The following MTMR3 variants were observed in gnomAD, a reference collection of about 807,000 sequenced individuals.
The protein encoded by MTMR3 is phosphatidylinositol-3,5-bisphosphate 3-phosphatase MTMR3.
Under a neutral mutation model 132.4 loss-of-function variants are expected in MTMR3, and 32 were observed. The ratio of observed to expected loss-of-function variants is 0.24; its 90% confidence interval spans 0.18 to 0.32. MTMR3 has a LOEUF of 0.32. Among genes scored for constraint, MTMR3 ranks in the 10% least tolerant of loss-of-function variants. The probability of loss-of-function intolerance (pLI) is 1.00; values close to 1 mark genes in which losing one functional copy is unlikely to be tolerated. For synonymous variants in MTMR3, 556 were observed against 550.3 expected (o/e 1.01, Z -0.14); for missense variants, 1,216 against 1,489.6 (o/e 0.82, Z 3.02).
At chr22:29,902,462 C>T (rs13055091) in intron 1 of MTMR3, among the ~76,000 whole-genome samples, 13 of 143,618 alleles carry the variant, frequency 9.1e-5, no homozygotes, top group Non-Finnish European at 1.5e-4. Context: ...GGCTGGAGTG[C>T]AGTGGCGCGA....
At chr22:29,894,087 C>T (rs545361257) in intron 1 of MTMR3, among the ~76,000 whole-genome samples, 7 of 152,220 alleles carry the variant, frequency 4.6e-5, no homozygotes, top group African/African-American at 1.2e-4. Context: ...GCAGGTGACC[C>T]GCCCATCTTG....
chr22:29,978,860 A>C (rs2066682740), intron 4 of MTMR3, 76 bp from the exon 5 acceptor site: 2 of 1,073,086 alleles, frequency 1.9e-6, no homozygotes, highest in Non-Finnish European at 2.8e-6. Context: ...TTTACCATCC[A>C]TTCAGCCAAC....
intron 1 of MTMR3, among the ~76,000 whole-genome samples, chr22:29,926,936 C>T (rs1047123083): frequency 3.3e-5 from 5 of 152,066 alleles, no homozygotes; most frequent in African/African-American, 9.7e-5. Context: ...AGATTTACTC[C>T]TGTGTTTTCA....
intron 2 of MTMR3, among the ~76,000 whole-genome samples, chr22:29,969,933 C>T (rs1039960291): frequency 4.6e-5 from 7 of 152,196 alleles, no homozygotes; most frequent in African/African-American, 1.7e-4. Flanking sequence ...TGTTCCCTTG[C>T]TTACATTGCC....
Position 29,911,548 on chromosome 22 carries a change from A to T in MTMR3, c.-138+28189A>T, listed in dbSNP as rs972795867. ...ACAGAGTGAGACTGTGTCTCAAAAA[A>T]TTTTTTTTTAATTTTGTGTAAAATA... On this transcript the variant is annotated intron_variant, in intron 1 of 19. Transcript: ENST00000401950. Among the ~76,000 whole-genome samples, 28 of 149,092 alleles carry T rather than the reference A, an allele frequency of 1.9e-4. 1 individual carries two copies. Among genetic ancestry groups the T allele is most frequent in the South Asian group, 6.4e-4 (3 of 4,652 alleles).
chr22:29,998,642 CAA>C, intron 7 of MTMR3, 117 bp from the exon 8 acceptor site: 2 of 508,684 alleles, frequency 3.9e-6, no homozygotes, highest in Non-Finnish European at 6.4e-6. Flanking sequence ...AATCCTGTCT[CAA>C]AAAATATATA....
intron 1 of MTMR3, among the ~76,000 whole-genome samples, chr22:29,920,320 C>T (rs1230531990): frequency 6.6e-6 from 1 of 151,880 alleles, no homozygotes; most frequent in Non-Finnish European, 1.5e-5. Flanking sequence ...AATTATTAGA[C>T]CACTGTATAT....
At chr22:30,011,389 GTCTC>G (rs1040655914) in intron 12 of MTMR3, 1 of 152,064 alleles carries the variant, frequency 6.6e-6, no homozygotes, top group African/African-American at 2.4e-5. Context: ...GTGAGATGGA[GTCTC>G]TCTCTCTCAT....
In MTMR3 at chr22:29,965,044, G is replaced by A. The variant is rs554352474; in HGVS notation, c.-84-5932G>A. Among the ~76,000 whole-genome samples the A allele has an allele frequency of 7.2e-5, 11 of 152,060 alleles. 1 individual carries two copies. Among genetic ancestry groups the A allele is most frequent in the Non-Finnish European group, 1.6e-4 (11 of 68,008 alleles). Reference sequence around the variant, plus strand: ...GAAACTGGCCTTGCCCCACCAAGTAGTCTTTTCTGATCACTTTATCTAAAG... The same window carrying A: ...GAAACTGGCCTTGCCCCACCAAGTAATCTTTTCTGATCACTTTATCTAAAG... On this transcript the variant is annotated intron_variant, in intron 2 of 19. Transcript: ENST00000401950.
chr22:30,007,421 A>T (rs1751181153), intron 10 of MTMR3, 102 bp downstream of exon 10: 1 of 1,171,590 alleles, frequency 8.5e-7, no homozygotes, highest in Non-Finnish European at 1.2e-6. Context: ...CTTTTATAGA[A>T]GTGAATGTGC....
chr22:29,999,445 T>G (rs998406778), intron 8 of MTMR3: 1 of 152,190 alleles, frequency 6.6e-6, no homozygotes, highest in African/African-American at 2.4e-5. Context: ...CATATACACA[T>G]TATACAGCTG....
chr22:29,904,083 A>T (rs2065050864), intron 1 of MTMR3, among the ~76,000 whole-genome samples: 1 of 152,210 alleles, frequency 6.6e-6, no homozygotes, highest in South Asian at 2.1e-4. Flanking sequence ...GACAAGACTT[A>T]TAGCTCTTTA....
At chr22:30,021,954 C>G (rs545906128) in intron 17 of MTMR3, 75 bp from the exon 18 acceptor site, 4 of 1,225,122 alleles carry the variant, frequency 3.3e-6, no homozygotes, top group Admixed American at 3.5e-5. Flanking sequence ...TCAGTTCTCC[C>G]TTCTTCACCA....
chr22:29,919,184 C>T (rs9625885), intron 1 of MTMR3, among the ~76,000 whole-genome samples: 2,821 of 152,258 alleles, frequency 0.019, 39 homozygotes, highest in Middle Eastern at 0.037. Context: ...TAAGTTACCT[C>T]GTTTTTTGCT....
chr22:29,918,613 CTA>C (rs1348153792), intron 1 of MTMR3, among the ~76,000 whole-genome samples: 2 of 152,086 alleles, frequency 1.3e-5, no homozygotes, highest in African/African-American at 4.8e-5. Context: ...AGTTTGTAGA[CTA>C]TGAAGGAAAA....
At chr22:29,939,130 T>C (rs960886744) in intron 1 of MTMR3, among the ~76,000 whole-genome samples, 3 of 152,208 alleles carry the variant, frequency 2.0e-5, no homozygotes, top group African/African-American at 7.2e-5. Flanking sequence ...CTGAAAACTA[T>C]ACGTTTTCTA....
chr22:29,966,726 C>CGTGTGTGTGT (rs55960706), intron 2 of MTMR3, among the ~76,000 whole-genome samples: 32 of 142,968 alleles, frequency 2.2e-4, no homozygotes, highest in African/African-American at 6.9e-4. Flanking sequence ...TAGGGGTGTG[C>CGTGTGTGTGT]GTGTGTGTGT....
At chr22:29,934,248 G>A (rs530845397) in intron 1 of MTMR3, among the ~76,000 whole-genome samples, 3 of 152,064 alleles carry the variant, frequency 2.0e-5, no homozygotes, top group African/African-American at 4.8e-5. Context: ...CAGCTACTCC[G>A]GAGGCTGACG....
chr22:29,950,325 C>T (rs2066050056), intron 1 of MTMR3, among the ~76,000 whole-genome samples: 1 of 151,590 alleles, frequency 6.6e-6, no homozygotes. Flanking sequence ...GGGTTTTTTC[C>T]TTAGGAGATA....
Sources: allele counts gnomAD v4.1 joint callset (sites outside exome capture counted in the v4.1 genomes callset), GRCh38; gene constraint gnomAD v4.1.1; transcripts MANE v1.5; gene names NCBI Gene and HGNC (gene_info 2026-07-23, HGNC 2026-07-21).